Variants in WNT3 observed in about 807,000 individuals in gnomAD.
WNT3 encodes proto-oncogene Wnt-3.
WNT3 carries 7 observed loss-of-function variants against 34.2 expected under a neutral mutation model. The ratio of observed to expected loss-of-function variants is 0.20; its 90% CI spans 0.12 to 0.38. The LOEUF is 0.38. Among genes scored for constraint, WNT3 ranks in the 10% least tolerant of loss-of-function variants. The pLI, the probability that WNT3 is intolerant of heterozygous loss-of-function variation, is 1.00. For synonymous variants in WNT3, 212 were observed against 211.5 expected (o/e 1.00, Z -0.02); for missense variants, 267 against 499.8 (o/e 0.53, Z 4.44).
intron 1 of WNT3, among the ~76,000 whole-genome samples, chr17:46,774,801 G>A (rs530936181): frequency 3.9e-5 from 6 of 152,302 alleles, no homozygotes; most frequent in East Asian, 1.9e-4. Context: ...CGACTTTTCC[G>A]TTCCCTGCCC....
intron 1 of WNT3, among the ~76,000 whole-genome samples, chr17:46,816,149 G>GCACA (rs900652986): frequency 7.6e-6 from 1 of 131,054 alleles, no homozygotes; most frequent in African/African-American, 2.9e-5. Context: ...ACGCACGCAC[G>GCACA]CACACACACA....
intron 4 of WNT3, among the ~76,000 whole-genome samples, chr17:46,765,444 C>T (rs1297674985): frequency 6.6e-6 from 1 of 152,258 alleles, no homozygotes; most frequent in Non-Finnish European, 1.5e-5. Flanking sequence ...CAAAAAGCTA[C>T]AGAAAAGGTG....
At chr17:46,779,105 C>CACACACACACACA (rs1568079934) in intron 1 of WNT3, among the ~76,000 whole-genome samples, 4 of 35,396 alleles carry the variant, frequency 1.1e-4, no homozygotes, top group African/African-American at 3.7e-4. Context: ...ACACACACAC[C>CACACACACACACA]CCAGCCCACT....
At chr17:46,817,450 T>A (rs2146478164) in intron 1 of WNT3, among the ~76,000 whole-genome samples, 1 of 152,280 alleles carries the variant, frequency 6.6e-6, no homozygotes, top group Non-Finnish European at 1.5e-5. Context: ...TGTAGGGGGC[T>A]GGAGACTGGG....
intron 3 of WNT3, 143 bp downstream of exon 3, chr17:46,769,640 G>C: frequency 9.2e-7 from 1 of 1,082,708 alleles, no homozygotes; most frequent in South Asian, 1.4e-5. Flanking sequence ...TGTGGGGTGG[G>C]GAGGAGGCCA....
At chr17:46,811,199 G>A (rs141232852) in intron 1 of WNT3, among the ~76,000 whole-genome samples, 2 of 110,044 alleles carry the variant, frequency 1.8e-5, no homozygotes, top group East Asian at 1.9e-4. Flanking sequence ...AGAACTAGCA[G>A]TGAGGGATTT....
Position 46,818,503 on chromosome 17 carries a change from A to G in WNT3, c.80+15T>C, listed in dbSNP as rs1195044495. 1.3e-6 allele frequency: 2 copies of G among 1,599,830 alleles called. No homozygotes were observed. The highest frequency in any genetic ancestry group is 1.7e-6 in the Non-Finnish European group (2 of 1,174,662). On this transcript the variant is annotated intron_variant, in intron 1 of 4. Coordinates refer to ENST00000225512, the MANE Select transcript of WNT3 (RefSeq NM_030753.5). ...GGAGAAACCGGGCCGCGGGCAGACA[A>G]GAGGCGAGTCTTACCACCAAATTGG...
chr17:46,799,858 A>G (rs1043441378), intron 1 of WNT3, among the ~76,000 whole-genome samples: 1 of 152,102 alleles, frequency 6.6e-6, no homozygotes, highest in Non-Finnish European at 1.5e-5. Context: ...CAACCACCCA[A>G]AGCAAAGTTC....
At chr17:46,787,761 C>T (rs1161322716) in intron 1 of WNT3, among the ~76,000 whole-genome samples, 1 of 152,188 alleles carries the variant, frequency 6.6e-6, no homozygotes, top group East Asian at 1.9e-4. Flanking sequence ...CGAGACCAGC[C>T]TGGCCAACAT....
At position 46,762,700 on chromosome 17, in the gene WNT3, C is replaced by CAACT. The variant is rs2146360678; in HGVS notation, c.*1926_*1929dup. On this transcript the variant is annotated 3_prime_UTR_variant, in exon 5 of 5. Coordinates refer to ENST00000225512, the MANE Select transcript of WNT3 (RefSeq NM_030753.5). ...AAATCAAAAAGATCAACAACTTCTA[C>CAACT]AACTTTTTACAAAACTTTGGATACA... 1 of 152,014 alleles carries CAACT rather than the reference C, an allele frequency of 6.6e-6. No homozygotes were observed. The highest frequency in any genetic ancestry group is 1.9e-4 in the East Asian group (1 of 5,186). The allele number at this position is 152,014 out of a possible 1,614,324, so 9.4% of individuals were successfully genotyped here.
chr17:46,791,100 C>T (rs553190539), intron 1 of WNT3, among the ~76,000 whole-genome samples: 1 of 152,282 alleles, frequency 6.6e-6, no homozygotes, highest in South Asian at 2.1e-4. Flanking sequence ...AGGATGCTCA[C>T]ACTCTTTGGC....
intron 2 of WNT3, among the ~76,000 whole-genome samples, chr17:46,773,229 C>T (rs962443224): frequency 1.3e-5 from 2 of 152,106 alleles, no homozygotes; most frequent in South Asian, 2.1e-4. Flanking sequence ...TAGAGGGGCT[C>T]TTGGGGGCAA....
At position 46,763,847 on chromosome 17, in the gene WNT3, C is replaced by CAAAA. The variant is rs2059290742; in HGVS notation, c.*779_*782dup. 1 of 112,354 alleles carries CAAAA rather than the reference C, an allele frequency of 8.9e-6. No individual in the cohort carries two copies. The highest frequency in any genetic ancestry group is 3.3e-5 in the African/African-American group (1 of 30,616). 7.0% of individuals were successfully genotyped at this position (112,354 alleles called of 1,614,324 possible). On this transcript the variant is annotated 3_prime_UTR_variant, in exon 5 of 5. Transcript: ENST00000225512. ...CACTACCACCAAAAAAAAAAAAAAACAAAAAAACAAAAAAAAAACTGCATT... is the reference window on the plus strand; with the variant it reads ...CACTACCACCAAAAAAAAAAAAAAACAAAAAAAAAAACAAAAAAAAAACTGCATT...
intron 1 of WNT3, among the ~76,000 whole-genome samples, chr17:46,803,884 C>T (rs958408611): frequency 6.6e-5 from 10 of 152,186 alleles, no homozygotes; most frequent in East Asian, 1.9e-4. Flanking sequence ...ATTCTCATGG[C>T]GCAGCTGAAG....
At chr17:46,767,197 G>A (rs1021695039) in intron 4 of WNT3, among the ~76,000 whole-genome samples, 1 of 152,052 alleles carries the variant, frequency 6.6e-6, no homozygotes, top group Non-Finnish European at 1.5e-5. Flanking sequence ...AGTGCATAGC[G>A]CCTCCCATGC....
Position 46,818,558 on chromosome 17 carries a change from G to T in WNT3, c.40C>A (p.Leu14Ile). 6.2e-7 allele frequency: 1 copy of T among 1,609,062 alleles called. No homozygotes were observed. Residue 14 changes from leucine to isoleucine, a missense_variant, in exon 1 of 5, where the codon CTC becomes ATC. Physicochemically the swap from Leu to Ile is conservative, Grantham distance 5. This residue lies in a region of WNT3 where 26 missense variants were observed against 25.8 expected (regional missense o/e 1.01). Coordinates refer to ENST00000225512, the MANE Select transcript of WNT3 (RefSeq NM_030753.5). ...CCAGCGAGGACCCTGGTGCCACCGA[G>T]CAGGAGGCCGAGGAGCAGCCCGAGC... ...HLLGLLLGLL[L>I]GGTRVLAGYP...
intron 4 of WNT3, among the ~76,000 whole-genome samples, chr17:46,765,792 C>T (rs2059307299): frequency 1.3e-5 from 2 of 152,236 alleles, no homozygotes; most frequent in African/African-American, 4.8e-5. Flanking sequence ...GGGCCAGGCC[C>T]TTCATGTGCA....
At chr17:46,773,578 A>C in intron 2 of WNT3, 90 bp downstream of exon 2, 1 of 1,396,438 alleles carries the variant, frequency 7.2e-7, no homozygotes. Context: ...GGCTTCAGAG[A>C]AGAGGCACCC....
intron 1 of WNT3, among the ~76,000 whole-genome samples, chr17:46,778,585 A>G (rs2059431039): frequency 6.6e-6 from 1 of 151,990 alleles, no homozygotes; most frequent in Admixed American, 6.6e-5. Flanking sequence ...CAGACACATT[A>G]CTTTAACTCG....
Sources: allele counts gnomAD v4.1 joint callset (sites outside exome capture counted in the v4.1 genomes callset), GRCh38; gene constraint gnomAD v4.1.1; regional missense constraint gnomAD v4.1.1; transcripts MANE v1.5; gene names NCBI Gene and HGNC (gene_info 2026-07-23, HGNC 2026-07-21).